The following ANKRD62 variants were observed in gnomAD, a reference collection of about 807,000 sequenced individuals.
ANKRD62 encodes ankyrin repeat domain 62, also known as ankyrin repeat domain-containing protein 62.
ANKRD62 carries 61 observed loss-of-function variants against 98.8 expected under a neutral mutation model. That is an observed-to-expected ratio of 0.62 (90% CI 0.50 to 0.76). ANKRD62 has a LOEUF of 0.76. ANKRD62 is among the 30% of genes least tolerant of loss of function. The probability of loss-of-function intolerance (pLI) is 0.00; values close to 1 mark genes in which losing one functional copy is unlikely to be tolerated. For missense variants in ANKRD62, 933 were observed against 1,082.9 expected (o/e 0.86, Z 1.94); for synonymous variants, 341 against 367.9 (o/e 0.93, Z 0.84).
intron 3 of ANKRD62, 143 bp from the exon 4 acceptor site, chr18:12,096,053 C>T (rs1909174913): frequency 1.6e-6 from 1 of 635,582 alleles, no homozygotes; most frequent in Middle Eastern, 4.4e-4. Context: ...TGTGGGCAAG[C>T]ACAGTGGAGT....
At chr18:12,106,489 T>G (rs1174476647) in intron 7 of ANKRD62, among the ~76,000 whole-genome samples, 1 of 152,224 alleles carries the variant, frequency 6.6e-6, no homozygotes, top group Non-Finnish European at 1.5e-5. Flanking sequence ...TTATCGGTAA[T>G]TTATCTGATT....
At chr18:12,131,018 A>G (rs145742793), downstream of ANKRD62, among the ~76,000 whole-genome samples, 13 of 152,292 alleles carry the variant, frequency 8.5e-5, no homozygotes, top group Non-Finnish European at 1.9e-4. Context: ...AATGTTTTGC[A>G]TGTAACAAAG....
At chr18:12,137,416 T>G in the ANKRD62 span, among the ~76,000 whole-genome samples, 1 of 152,228 alleles carries the variant, frequency 6.6e-6, no homozygotes, top group Non-Finnish European at 1.5e-5. Flanking sequence ...TCATGGTGGA[T>G]AAGCTTTTTG....
downstream of ANKRD62, among the ~76,000 whole-genome samples, chr18:12,133,352 A>G (rs1470509854): frequency 3.9e-5 from 6 of 152,170 alleles, no homozygotes; most frequent in Non-Finnish European, 7.4e-5. Flanking sequence ...TTTAACTATT[A>G]TGAATAACGT....
At chr18:12,110,855 C>T (rs9967374) in intron 8 of ANKRD62, among the ~76,000 whole-genome samples, 49,037 of 152,028 alleles carry the variant, frequency 0.32, 8,507 homozygotes, top group Middle Eastern at 0.41. Context: ...TTTCCTCCTG[C>T]CTTTCTAGTT....
In ANKRD62 at chr18:12,097,131, G is replaced by A. The variant is rs151300542; in HGVS notation, c.615-509G>A. Among the ~76,000 whole-genome samples the A allele has an allele frequency of 3.1e-3, 468 of 152,260 alleles. 3 individuals carry two copies. The highest frequency in any genetic ancestry group is 9.8e-3 in the African/African-American group (407 of 41,536). On this transcript the variant is annotated intron_variant, in intron 4 of 13. Coordinates refer to ENST00000587848, the MANE Select transcript of ANKRD62 (RefSeq NM_001277333.2). ...TAATATATCCTTCCAGGGTGGTTGT[G>A]TATAAGTAATATATGTATATATGGC...
chr18:12,140,988 G>C, the ANKRD62 span, among the ~76,000 whole-genome samples: 5 of 152,336 alleles, frequency 3.3e-5, no homozygotes, highest in East Asian at 7.7e-4. Context: ...TCCTTGAATT[G>C]TGGTGGGCTC....
the ANKRD62 span, among the ~76,000 whole-genome samples, chr18:12,172,700 C>T: frequency 1.9e-4 from 29 of 152,310 alleles, no homozygotes; most frequent in African/African-American, 6.5e-4. Flanking sequence ...TGCTCTGTCC[C>T]CAGAGGTGGA....
chr18:12,135,460 T>G, the ANKRD62 span, among the ~76,000 whole-genome samples: 2 of 151,422 alleles, frequency 1.3e-5, no homozygotes, highest in Non-Finnish European at 2.9e-5. Context: ...CACTTGGGTT[T>G]GTTCCAAGTC....
At chr18:12,171,992 T>C in the ANKRD62 span, among the ~76,000 whole-genome samples, 1 of 152,214 alleles carries the variant, frequency 6.6e-6, no homozygotes, top group African/African-American at 2.4e-5. Flanking sequence ...CATCAGGTCA[T>C]TTACGGTCTT....
chr18:12,122,417 A>G lies in ANKRD62; in HGVS notation c.1355A>G (p.Asn452Ser), dbSNP rs1909800370. The change falls in exon 11 of 14, where the codon AAT (asparagine) becomes AGT (serine). Residue 452 changes from asparagine to serine, a missense_variant. Transcript: ENST00000587848. ...LKVKFQKMKN[N>S]ISVLQKVLSE... is the part of the protein sequence containing the mutation. Reference sequence around the variant, plus strand: ...GTAAAATTTCAAAAAATGAAAAATAATATTAGCGTACTACAAAAGGTACTA... The same window carrying G: ...GTAAAATTTCAAAAAATGAAAAATAGTATTAGCGTACTACAAAAGGTACTA... 2 of 1,535,516 alleles carry G rather than the reference A, an allele frequency of 1.3e-6. No homozygotes were observed. Among genetic ancestry groups the G allele is most frequent in the Non-Finnish European group, 8.7e-7 (1 of 1,146,626 alleles).
At chr18:12,100,511 A>C (rs767919337) in intron 6 of ANKRD62, among the ~76,000 whole-genome samples, 6 of 152,188 alleles carry the variant, frequency 3.9e-5, no homozygotes, top group Admixed American at 3.9e-4. Context: ...TAACTCTGAC[A>C]TGGTGATTTG....
At chr18:12,103,314 A>T in intron 7 of ANKRD62, 86 bp downstream of exon 7, 1 of 710,622 alleles carries the variant, frequency 1.4e-6, no homozygotes, top group Non-Finnish European at 2.0e-6. Flanking sequence ...CTAGCCTTTT[A>T]GAATCAATTG....
intron 1 of ANKRD62, 51 bp downstream of exon 1, chr18:12,094,286 C>T (rs1394692580): frequency 7.4e-7 from 1 of 1,353,732 alleles, no homozygotes; most frequent in Non-Finnish European, 9.6e-7. Context: ...GGAGAAGCCC[C>T]TGTTCCTGGT....
At chr18:12,165,993 A>G in the ANKRD62 span, among the ~76,000 whole-genome samples, 1 of 152,098 alleles carries the variant, frequency 6.6e-6, no homozygotes, top group East Asian at 1.9e-4. Flanking sequence ...AAAGCTTTCC[A>G]TCTGCTGTCA....
the ANKRD62 span, among the ~76,000 whole-genome samples, chr18:12,172,093 C>T: frequency 6.6e-6 from 1 of 152,176 alleles, no homozygotes; most frequent in Non-Finnish European, 1.5e-5. Flanking sequence ...CCTCCTTTAG[C>T]TCAGAGAAGT....
chr18:12,117,856 T>G (rs796411934), intron 10 of ANKRD62, among the ~76,000 whole-genome samples: 11 of 152,346 alleles, frequency 7.2e-5, no homozygotes, highest in African/African-American at 2.4e-4. Flanking sequence ...ACTGTTGGAT[T>G]CAATTTGCTA....
chr18:12,171,497 C>G, the ANKRD62 span, among the ~76,000 whole-genome samples: 1 of 152,174 alleles, frequency 6.6e-6, no homozygotes, highest in African/African-American at 2.4e-5. Flanking sequence ...GGGTTTCTGC[C>G]GAGAGATCCG....
the ANKRD62 span, among the ~76,000 whole-genome samples, chr18:12,179,372 A>G: frequency 1.5e-5 from 2 of 135,300 alleles, no homozygotes; most frequent in Admixed American, 7.7e-5. Context: ...ATTGTGGGAG[A>G]GAGTGGGGAT....
Sources: gnomAD v4.1 joint callset for allele counts (sites outside exome capture counted in the v4.1 genomes callset) on GRCh38, gnomAD v4.1.1 for gene constraint, MANE v1.5 for transcripts, NCBI Gene and HGNC (gene_info 2026-07-23, HGNC 2026-07-21) for gene names.